Variants in RASSF10 observed in about 807,000 individuals in gnomAD.
The protein encoded by RASSF10 is Ras association domain family member 10.
In RASSF10, 22 loss-of-function variants were observed where a neutral mutation model predicts 41.5. The ratio of observed to expected loss-of-function variants is 0.53; its 90% CI spans 0.38 to 0.76. The LOEUF is 0.76. Among genes scored for constraint, RASSF10 ranks in the 30% least tolerant of loss-of-function variants. RASSF10 has a pLI of 0.00. For synonymous variants in RASSF10, 364 were observed against 319.0 expected (o/e 1.14, Z -1.50); for missense variants, 776 against 711.8 (o/e 1.09, Z -1.03).
At position 13,010,805 on chromosome 11, in the gene RASSF10, CCGT is replaced by C. The variant is rs774447047; in HGVS notation, c.1231_1233del (p.Val411del). ...CTGCGGCTCAACACGGACCTAGAGG[CCGT>C]CAAGTCGGACTTGGATTACAGCCAG... On this transcript the variant is annotated inframe_deletion, in exon 1 of 1. Transcript: ENST00000529419. The surrounding 1 kb of genome is among the most constrained non-coding windows in gnomAD (Gnocchi z 4.8). The C allele has an allele frequency of 3.1e-6, 5 of 1,613,484 alleles. No individual in the cohort carries two copies. The highest frequency in any genetic ancestry group is 4.2e-6 in the Non-Finnish European group (5 of 1,179,710).
Position 13,010,609 on chromosome 11 carries a change from C to T in RASSF10, c.1033C>T (p.Arg345Cys), listed in dbSNP as rs866794718. The T allele has an allele frequency of 1.3e-6, 2 of 1,583,928 alleles. No homozygotes were observed. Among genetic ancestry groups the T allele is most frequent in the South Asian group, 1.2e-5 (1 of 86,636 alleles). The change falls in exon 1 of 1, where the codon CGC becomes TGC. Residue 345 changes from arginine (R) to cysteine (C), a missense_variant. Coordinates refer to ENST00000529419, the MANE Select transcript of RASSF10 (RefSeq NM_001080521.3). The surrounding 1 kb of genome is among the most constrained non-coding windows in gnomAD (Gnocchi z 4.8). ...GGTTCAGCAGGAGGAGTTGCTGGAG[C>T]GCCTTTCAGCCGAGATTCAGGAGGA... is the stretch of plus-strand genomic sequence containing the variant. ...QRVQQEELLE[R>C]LSAEIQEELN...
chr11:13,009,543 C>T lies in RASSF10; in HGVS notation c.-34C>T, dbSNP rs1423395688. On this transcript the variant is annotated 5_prime_UTR_variant, in exon 1 of 1. Transcript: ENST00000529419. ...CTGTCCTCGCCGCCCCAGCAGACCC[C>T]GGCCGGACCTGCCACCTGCGCCCTG... 8 of 1,592,124 alleles carry T rather than the reference C, an allele frequency of 5.0e-6. No homozygotes were observed. In the Admixed American group the frequency reaches 8.5e-5, roughly 17 times the overall value.
In RASSF10 at chr11:13,010,777, G is replaced by C; in HGVS notation, c.1201G>C (p.Gly401Arg). The C allele has an allele frequency of 1.2e-6, 2 of 1,610,038 alleles. No homozygotes were observed. The highest frequency in any genetic ancestry group is 1.7e-6 in the Non-Finnish European group (2 of 1,178,266). Residue 401 changes from glycine to arginine, a missense_variant, in exon 1 of 1, where the codon GGG becomes CGG. Gly to Arg is a moderately radical substitution (Grantham distance 125). Transcript: ENST00000529419. This position sits in a 1 kb window ranked among gnomAD's most constrained non-coding sequence, Gnocchi z 4.8. ...GCAGCTCAGTACCAGCCTTTACATTGGGCTGCGGCTCAACACGGACCTAGA... is the reference window on the plus strand; with the variant it reads ...GCAGCTCAGTACCAGCCTTTACATTCGGCTGCGGCTCAACACGGACCTAGA... Reference protein sequence around the residue: ...RTQLSTSLYIGLRLNTDLEAV... With the variant: ...RTQLSTSLYIRLRLNTDLEAV...
In RASSF10 at chr11:13,010,202, C is replaced by T; in HGVS notation, c.626C>T (p.Ser209Phe). 6.3e-7 allele frequency: 1 copy of T among 1,595,946 alleles called. No homozygotes were observed. Among genetic ancestry groups the T allele is most frequent in the African/African-American group, 1.3e-5 (1 of 74,514 alleles). The change falls in exon 1 of 1, where the codon TCC becomes TTC. Residue 209 changes from serine to phenylalanine, a missense_variant. Ser to Phe is a radical substitution (Grantham distance 155, BLOSUM62 -2). Transcript: ENST00000529419. This position sits in a 1 kb window ranked among gnomAD's most constrained non-coding sequence, Gnocchi z 4.8. Reference protein sequence around the residue: ...CSSTSSSTASSCSSSPRTHES... With the variant: ...CSSTSSSTASFCSSSPRTHES... ...TCCACTTCGTCGTCCACTGCCTCGTCCTGCTCTTCGTCGCCGCGGACCCAC... is the reference window on the plus strand; with the variant it reads ...TCCACTTCGTCGTCCACTGCCTCGTTCTGCTCTTCGTCGCCGCGGACCCAC...
rs1034919926 is a variant in RASSF10 at position 13,010,490 on chromosome 11, C to T, written c.914C>T (p.Ala305Val). The change falls in exon 1 of 1, where the codon GCG becomes GTG. Residue 305 changes from alanine (A) to valine (V), a missense_variant. Ala to Val is a moderately conservative substitution (Grantham distance 64). Transcript: ENST00000529419. The surrounding 1 kb of genome is among the most constrained non-coding windows in gnomAD (Gnocchi z 4.8). ...GTGGCGGCGGAGGCGGAGGAGGCGG[C>T]GGCGGCGCCCCCTCTAGCCGGCGAG... is the stretch of plus-strand genomic sequence containing the variant. Reference protein sequence around the residue: ...EEVAAEAEEAAAAPPLAGEAQ... With the variant: ...EEVAAEAEEAVAAPPLAGEAQ... The T allele has an allele frequency of 4.6e-6, 7 of 1,515,122 alleles. No homozygotes were observed. Among genetic ancestry groups the T allele is most frequent in the African/African-American group, 4.2e-5 (3 of 71,826 alleles). 93.9% of individuals were successfully genotyped at this position (1,515,122 alleles called of 1,614,324 possible).
chr11:13,009,824 T>C lies in RASSF10; in HGVS notation c.248T>C (p.Met83Thr). The change falls in exon 1 of 1, where the codon ATG (methionine) becomes ACG (threonine). Residue 83 changes from methionine (M) to threonine (T), a missense_variant. Physicochemically the swap from Met to Thr is moderately conservative, Grantham distance 81. Transcript: ENST00000529419. The part of the protein sequence containing the change: ...EDDDEALPQG[M>T]LCGPPQCYCI... The stretch of plus-strand genomic sequence containing the variant: ...GACGACGAGGCGCTGCCGCAGGGCA[T>C]GCTGTGCGGGCCCCCGCAGTGCTAT... The C allele has an allele frequency of 6.2e-7, 1 of 1,607,322 alleles. No homozygotes were observed.
Position 13,009,621 on chromosome 11 carries a change from A to G in RASSF10, c.45A>G (p.Glu15=), listed in dbSNP as rs1949556654. 6.2e-7 allele frequency: 1 copy of G among 1,609,256 alleles called. No homozygotes were observed. The highest frequency in any genetic ancestry group is 1.1e-5 in the South Asian group (1 of 90,534). The part of the protein sequence containing the change: ...EKKISVWICQ[E]EKLVSGLSRR... The stretch of plus-strand genomic sequence containing the variant: ...AGATATCGGTGTGGATCTGCCAGGA[A>G]GAGAAGCTGGTGTCCGGCCTCTCCC... Residue 15 remains glutamate (E), a synonymous_variant, in exon 1 of 1, where the codon GAA becomes GAG. Transcript: ENST00000529419.
Position 13,010,529 on chromosome 11 carries a change from C to A in RASSF10, c.953C>A (p.Ala318Glu). ...PPLAGEAQAA[A>E]LEELARRCDD... ...CTAGCCGGCGAGGCGCAGGCGGCGG[C>A]GCTGGAGGAGCTGGCCCGGCGCTGC... Residue 318 changes from alanine (A) to glutamate (E), a missense_variant, in exon 1 of 1, where the codon GCG becomes GAG. Transcript: ENST00000529419. This position sits in a 1 kb window ranked among gnomAD's most constrained non-coding sequence, Gnocchi z 4.8. 6.6e-7 allele frequency: 1 copy of A among 1,524,394 alleles called. No homozygotes were observed. 94.4% of individuals were successfully genotyped at this position (1,524,394 alleles called of 1,614,324 possible). A position where few individuals can be genotyped will look rare whatever the true frequency, so the allele number is the denominator to read the frequency against.
Position 13,010,267 on chromosome 11 carries a change from CT to C in RASSF10, c.692del (p.Leu231ArgfsTer80). 6.4e-7 allele frequency: 1 copy of C among 1,565,222 alleles called. No homozygotes were observed. Among genetic ancestry groups the C allele is most frequent in the Non-Finnish European group, 8.7e-7 (1 of 1,155,252 alleles). The part of the protein sequence containing the change: ...SVERMETLVH[L>X]VLSQDHTIRQ... ...GGAGCGCATGGAGACGCTGGTGCAT[CT>C]GGTGCTTTCCCAGGACCACACAATT... On this transcript the variant is annotated frameshift_variant, in exon 1 of 1. Transcript: ENST00000529419. LOFTEE classifies it high-confidence loss of function. The surrounding 1 kb of genome is among the most constrained non-coding windows in gnomAD (Gnocchi z 4.8).
chr11:13,011,185 G>A lies in RASSF10; in HGVS notation c.*85G>A. On this transcript the variant is annotated 3_prime_UTR_variant, in exon 1 of 1. Transcript: ENST00000529419. ...AGTGGGCCAGCCGGCTCGCGGACTT[G>A]AAACCAGGCTGTTGCGAGCCCAGAG... 8.8e-7 allele frequency: 1 copy of A among 1,140,966 alleles called. No individual in the cohort carries two copies. Among genetic ancestry groups the A allele is most frequent in the Non-Finnish European group, 1.2e-6 (1 of 821,440 alleles). 70.7% of individuals were successfully genotyped at this position (1,140,966 alleles called of 1,614,324 possible).
chr11:13,010,560 C>G lies in RASSF10; in HGVS notation c.984C>G (p.Asp328Glu). 1 of 1,547,504 alleles carries G rather than the reference C, an allele frequency of 6.5e-7. No homozygotes were observed. Among genetic ancestry groups the G allele is most frequent in the South Asian group, 1.2e-5 (1 of 83,684 alleles). Reference sequence around the variant, plus strand: ...AGGAGCTGGCCCGGCGCTGCGACGACTTGCTGCGGCTTCAGGAGCAACGGG... The same window carrying G: ...AGGAGCTGGCCCGGCGCTGCGACGAGTTGCTGCGGCTTCAGGAGCAACGGG... ...ALEELARRCD[D>E]LLRLQEQRVQ... Residue 328 changes from aspartate to glutamate, a missense_variant, in exon 1 of 1, where the codon GAC (aspartate) becomes GAG (glutamate). Coordinates refer to ENST00000529419, the MANE Select transcript of RASSF10 (RefSeq NM_001080521.3). This position sits in a 1 kb window ranked among gnomAD's most constrained non-coding sequence, Gnocchi z 4.8.
rs764481903 is a variant in RASSF10, at chr11:13,009,440, C to G, written c.-137C>G. ...TTTCCAGCCTGCCTTCGGTGCGCAG[C>G]GGGGGAACAGGGCTAGTGCAGCCGC... is the stretch of plus-strand genomic sequence containing the variant. On this transcript the variant is annotated 5_prime_UTR_variant, in exon 1 of 1. Transcript: ENST00000529419. 1 of 1,491,088 alleles carries G rather than the reference C, an allele frequency of 6.7e-7. No homozygotes were observed. The highest frequency in any genetic ancestry group is 8.9e-7 in the Non-Finnish European group (1 of 1,120,814). The allele number at this position is 1,491,088 out of a possible 1,614,324, so 92.4% of individuals were successfully genotyped here.
In RASSF10 at chr11:13,009,779, C is replaced by G. The variant is rs749624057; in HGVS notation, c.203C>G (p.Pro68Arg). The G allele has an allele frequency of 5.0e-6, 8 of 1,604,152 alleles. No individual in the cohort carries two copies. The highest frequency in any genetic ancestry group is 1.1e-5 in the South Asian group (1 of 89,752). The change falls in exon 1 of 1, where the codon CCG (proline) becomes CGG (arginine). Residue 68 changes from proline (P) to arginine (R), a missense_variant. Physicochemically the swap from Pro to Arg is moderately radical, Grantham distance 103. Coordinates refer to ENST00000529419, the MANE Select transcript of RASSF10 (RefSeq NM_001080521.3). Reference sequence around the variant, plus strand: ...GGCCCGGGAGAGCTGCCCGAACCCCCGAACGAGGACGACGAGGACGACGAC... The same window carrying G: ...GGCCCGGGAGAGCTGCCCGAACCCCGGAACGAGGACGACGAGGACGACGAC... ...PHGPGELPEPPNEDDEDDDEA... is the reference protein window; with the variant it reads ...PHGPGELPEPRNEDDEDDDEA...
Position 13,010,472 on chromosome 11 carries a change from C to T in RASSF10, c.896C>T (p.Ala299Val). ...GGAGAGGAGCCAGAAGAGGTGGCGG[C>T]GGAGGCGGAGGAGGCGGCGGCGGCG... is the stretch of plus-strand genomic sequence containing the variant. ...RPGEEPEEVA[A>V]EAEEAAAAPP... The change falls in exon 1 of 1, where the codon GCG (alanine) becomes GTG (valine). Residue 299 changes from alanine to valine, a missense_variant. Physicochemically the swap from Ala to Val is moderately conservative, Grantham distance 64 (BLOSUM62 0). Coordinates refer to ENST00000529419, the MANE Select transcript of RASSF10 (RefSeq NM_001080521.3). This position sits in a 1 kb window ranked among gnomAD's most constrained non-coding sequence, Gnocchi z 4.8. 1 of 1,523,116 alleles carries T rather than the reference C, an allele frequency of 6.6e-7. No homozygotes were observed. The highest frequency in any genetic ancestry group is 8.8e-7 in the Non-Finnish European group (1 of 1,134,138). The allele number at this position is 1,523,116 out of a possible 1,614,324, so 94.4% of individuals were successfully genotyped here.
rs1219766618 is a variant in RASSF10 at position 13,009,855 on chromosome 11, C to G, written c.279C>G (p.Ile93Met). ...MLCGPPQCYC[I>M]VEKWRGFERI... is the part of the protein sequence containing the mutation. The stretch of plus-strand genomic sequence containing the variant: ...GCGGGCCCCCGCAGTGCTATTGCAT[C>G]GTGGAGAAGTGGCGCGGCTTTGAGC... The change falls in exon 1 of 1, where the codon ATC becomes ATG. Residue 93 changes from isoleucine to methionine, a missense_variant. Physicochemically the swap from Ile to Met is conservative, Grantham distance 10 (BLOSUM62 1). Transcript: ENST00000529419. The G allele has an allele frequency of 1.2e-6, 2 of 1,606,344 alleles. No homozygotes were observed. Among genetic ancestry groups the G allele is most frequent in the South Asian group, 2.2e-5 (2 of 89,736 alleles).
chr11:13,010,187 C>T lies in RASSF10; in HGVS notation c.611C>T (p.Ser204Leu), dbSNP rs1298753677. 6.3e-7 allele frequency: 1 copy of T among 1,594,540 alleles called. No individual in the cohort carries two copies. Among genetic ancestry groups the T allele is most frequent in the South Asian group, 1.1e-5 (1 of 86,960 alleles). ...CCGTCGTCCTGTTCGTCCACTTCGT[C>T]GTCCACTGCCTCGTCCTGCTCTTCG... is the stretch of plus-strand genomic sequence containing the variant. ...QTPSSCSSTS[S>L]STASSCSSSP... The change falls in exon 1 of 1, where the codon TCG becomes TTG. Residue 204 changes from serine (S) to leucine (L), a missense_variant. By Grantham distance (145) the Ser-to-Leu change is moderately radical. Transcript: ENST00000529419. The surrounding 1 kb of genome is among the most constrained non-coding windows in gnomAD (Gnocchi z 4.8).
Position 13,009,605 on chromosome 11 carries a change from T to A in RASSF10, c.29T>A (p.Val10Glu). MDPSEKKIS[V>E]WICQEEKLVS... ...GATCCTTCGGAAAAGAAGATATCGG[T>A]GTGGATCTGCCAGGAAGAGAAGCTG... Residue 10 changes from valine (V) to glutamate (E), a missense_variant, in exon 1 of 1, where the codon GTG becomes GAG. Val to Glu is a moderately radical substitution (Grantham distance 121). Transcript: ENST00000529419. 1 of 1,611,432 alleles carries A rather than the reference T, an allele frequency of 6.2e-7. No individual in the cohort carries two copies. Among genetic ancestry groups the A allele is most frequent in the Non-Finnish European group, 8.5e-7 (1 of 1,178,978 alleles).
Position 13,010,025 on chromosome 11 carries a change from G to A in RASSF10, c.449G>A (p.Ser150Asn). 1 of 1,544,708 alleles carries A rather than the reference G, an allele frequency of 6.5e-7. No homozygotes were observed. The change falls in exon 1 of 1, where the codon AGC becomes AAC. Residue 150 changes from serine (S) to asparagine (N), a missense_variant. Physicochemically the swap from Ser to Asn is conservative, Grantham distance 46. Transcript: ENST00000529419. This position sits in a 1 kb window ranked among gnomAD's most constrained non-coding sequence, Gnocchi z 4.8. The stretch of plus-strand genomic sequence containing the variant: ...AGCGCCGAGGCGCGCGTAGTGCTGA[G>A]CCGAGAGCGCCCCTGTCCGGCCCGC... ...PRSAEARVVL[S>N]RERPCPARGA...
chr11:13,010,173 TTCGTCCACTTCG>T lies in RASSF10; in HGVS notation c.607_618del (p.Ser203_Thr206del), dbSNP rs1376721003. On this transcript the variant is annotated inframe_deletion, in exon 1 of 1. Transcript: ENST00000529419. This position sits in a 1 kb window ranked among gnomAD's most constrained non-coding sequence, Gnocchi z 4.8. Reference sequence around the variant, plus strand: ...GCCAGCAGCAGACACCGTCGTCCTGTTCGTCCACTTCGTCGTCCACTGCCTCGTCCTGCTCTT... The same window carrying T: ...GCCAGCAGCAGACACCGTCGTCCTGTTCGTCCACTGCCTCGTCCTGCTCTT... 7.5e-6 allele frequency: 12 copies of T among 1,589,806 alleles called. No homozygotes were observed. The East Asian group carries it at 1.2e-4, about 15-fold the overall frequency.
Sources: allele counts gnomAD v4.1 joint callset, GRCh38; gene constraint gnomAD v4.1.1; non-coding constraint Gnocchi (gnomAD v3.1); transcripts MANE v1.5; gene names NCBI Gene and HGNC (gene_info 2026-07-23, HGNC 2026-07-21).